PIEZO2: variants seen among roughly 807,000 people sequenced by gnomAD.
The protein encoded by PIEZO2 is piezo type mechanosensitive ion channel component 2, also known as piezo-type mechanosensitive ion channel component 2.
In PIEZO2, 172 loss-of-function variants were observed where a neutral mutation model predicts 337.3. The ratio of observed to expected loss-of-function variants is 0.51; its 90% confidence interval spans 0.45 to 0.58. The LOEUF is 0.58. Among genes scored for constraint, PIEZO2 ranks in the 20% least tolerant of loss-of-function variants. PIEZO2 has a pLI of 0.00. For missense variants in PIEZO2, 3,028 were observed against 3,391.3 expected (o/e 0.89, Z 2.66); for synonymous variants, 1,251 against 1,228.5 (o/e 1.02, Z -0.38).
rs973238390 is a variant in PIEZO2 at position 11,032,789 on chromosome 18, A to G, written c.160+33338T>C. ...ACATGTTTCCCAACAACTGCCCTTA[A>G]AAGCTTTTGAAGTCAGATCGATAAG... On this transcript the variant is annotated intron_variant, in intron 2 of 55. Coordinates refer to ENST00000674853, the MANE Select transcript of PIEZO2 (RefSeq NM_001378183.1). The surrounding 1 kb of genome is among the most constrained non-coding windows in gnomAD (Gnocchi z 4.9). Among the ~76,000 whole-genome samples, 1 of 152,236 alleles carries G rather than the reference A, an allele frequency of 6.6e-6. No individual in the cohort carries two copies. Among genetic ancestry groups the G allele is most frequent in the Non-Finnish European group, 1.5e-5 (1 of 68,038 alleles).
Position 10,895,420 on chromosome 18 carries a change from T to C in PIEZO2, c.329+15766A>G, listed in dbSNP as rs564996617. Among the ~76,000 whole-genome samples the C allele has an allele frequency of 1.3e-5, 2 of 152,144 alleles. No homozygotes were observed. Among genetic ancestry groups the C allele is most frequent in the African/African-American group, 4.8e-5 (2 of 41,490 alleles). On this transcript the variant is annotated intron_variant, in intron 4 of 55. Coordinates refer to ENST00000674853, the MANE Select transcript of PIEZO2 (RefSeq NM_001378183.1). The surrounding 1 kb of genome is among the most constrained non-coding windows in gnomAD (Gnocchi z 4.8). ...GAGATTGCACCACAGCACTCCAGCC[T>C]GGGCAACAGAGCAAGACTCCGTCTC...
At chr18:10,779,437 C>G (rs986785989) in intron 18 of PIEZO2, among the ~76,000 whole-genome samples, 1 of 152,318 alleles carries the variant, frequency 6.6e-6, no homozygotes, top group South Asian at 2.1e-4. Context: ...AAGGATAACT[C>G]TGGAGGATAA....
At chr18:10,852,515 T>C (rs1427123568) in intron 7 of PIEZO2, among the ~76,000 whole-genome samples, 1 of 152,244 alleles carries the variant, frequency 6.6e-6, no homozygotes, top group Admixed American at 6.5e-5. Flanking sequence ...CAGCCACAAC[T>C]AGTTTTACCA....
chr18:10,819,420 A>G lies in PIEZO2; in HGVS notation c.918-12146T>C, dbSNP rs923927884. Among the ~76,000 whole-genome samples the G allele has an allele frequency of 3.3e-5, 5 of 152,232 alleles. No homozygotes were observed. The highest frequency in any genetic ancestry group is 9.6e-5 in the African/African-American group (4 of 41,458). On this transcript the variant is annotated intron_variant, in intron 7 of 55. Transcript: ENST00000674853. This position sits in a 1 kb window ranked among gnomAD's most constrained non-coding sequence, Gnocchi z 4.3. ...GATTTTAGATTACAGTTATTAATCA[A>G]TGGAAAGAATAATGCTGAAGATATA... is the stretch of plus-strand genomic sequence containing the variant.
At position 10,693,356 on chromosome 18, in the gene PIEZO2, T is replaced by TTGTGTG. The variant is rs1174582024; in HGVS notation, c.7191-1979_7191-1974dup. On this transcript the variant is annotated intron_variant, in intron 47 of 55. Coordinates refer to ENST00000674853, the MANE Select transcript of PIEZO2 (RefSeq NM_001378183.1). ...TGCTTCTTGCTTTCCAATCTGGATT[T>TTGTGTG]TGTGTGTGTGTGTGTGTGTGTGTGT... is the stretch of plus-strand genomic sequence containing the variant. 8.2e-3 allele frequency among the ~76,000 whole-genome samples: 740 copies of TTGTGTG among 90,016 alleles called. 12 individuals are homozygous for TTGTGTG. Among genetic ancestry groups the TTGTGTG allele is most frequent in the African/African-American group, 0.017 (470 of 28,292 alleles). 59.1% of individuals were successfully genotyped at this position (90,016 alleles called of 152,430 possible).
At chr18:11,049,139 C>T (rs960673645) in intron 2 of PIEZO2, among the ~76,000 whole-genome samples, 1 of 152,186 alleles carries the variant, frequency 6.6e-6, no homozygotes, top group Non-Finnish European at 1.5e-5. Context: ...AAAGGAGGAG[C>T]TACGGTTTCC....
intron 1 of PIEZO2, among the ~76,000 whole-genome samples, chr18:11,106,187 C>T (rs552230497): frequency 6.6e-6 from 1 of 151,882 alleles, no homozygotes; most frequent in Non-Finnish European, 1.5e-5. Flanking sequence ...CCCGGGTTCA[C>T]GTCATTCTCC....
chr18:11,133,099 G>A (rs2040384527), intron 1 of PIEZO2, among the ~76,000 whole-genome samples: 1 of 152,286 alleles, frequency 6.6e-6, no homozygotes, highest in Non-Finnish European at 1.5e-5. Flanking sequence ...AATAAGGACT[G>A]TAACTGTTAT....
Position 10,746,332 on chromosome 18 carries a change from T to A in PIEZO2, c.4425-2101A>T, listed in dbSNP as rs1296994700. Among the ~76,000 whole-genome samples, 3 of 152,172 alleles carry A rather than the reference T, an allele frequency of 2.0e-5. No homozygotes were observed. The highest frequency in any genetic ancestry group is 4.4e-5 in the Non-Finnish European group (3 of 68,026). ...TGGCCTGGAGCTTATCACTCACCAC[T>A]CACTGTCCTCATCTTCCAATCTCAG... On this transcript the variant is annotated intron_variant, in intron 30 of 55. Coordinates refer to ENST00000674853, the MANE Select transcript of PIEZO2 (RefSeq NM_001378183.1). This position sits in a 1 kb window ranked among gnomAD's most constrained non-coding sequence, Gnocchi z 4.2.
rs74718543 is a variant in PIEZO2, at chr18:10,877,571, G to A, written c.330-6156C>T. 0.06 allele frequency among the ~76,000 whole-genome samples: 9,054 copies of A among 152,068 alleles called. 303 individuals carry two copies. The highest frequency in any genetic ancestry group is 0.093 in the African/African-American group (3,857 of 41,460). ...CAACCTAGTGACCAAAACAGAACCT[G>A]GAAGCTTCCATTCTCTCACTGAAAG... On this transcript the variant is annotated intron_variant, in intron 4 of 55. Transcript: ENST00000674853. This position sits in a 1 kb window ranked among gnomAD's most constrained non-coding sequence, Gnocchi z 5.3.
chr18:10,756,410 AGAG>A (rs768105287), intron 27 of PIEZO2, among the ~76,000 whole-genome samples: 3 of 138,764 alleles, frequency 2.2e-5, no homozygotes, highest in Non-Finnish European at 4.7e-5. Context: ...GACGGATGGA[AGAG>A]GAGAAGGATG....
chr18:10,805,681 C>G (rs1236644154), intron 8 of PIEZO2, among the ~76,000 whole-genome samples: 2 of 152,168 alleles, frequency 1.3e-5, no homozygotes, highest in Non-Finnish European at 2.9e-5. Flanking sequence ...CACAACATGA[C>G]TGGGATTCCT....
intron 20 of PIEZO2, 111 bp from the exon 21 acceptor site, chr18:10,770,419 G>A: frequency 8.7e-7 from 1 of 1,149,228 alleles, no homozygotes; most frequent in Non-Finnish European, 1.2e-6. Context: ...TAATTACAGT[G>A]GATGAATTCT....
chr18:11,078,043 CA>C lies in PIEZO2; in HGVS notation c.65-11822del, dbSNP rs2038606093. Reference sequence around the variant, plus strand: ...ATGTGCGTGCACACACACCCACACACACCCACACACACACACACACACACCA... The same window carrying C: ...ATGTGCGTGCACACACACCCACACACCCCACACACACACACACACACACCA... On this transcript the variant is annotated intron_variant, in intron 1 of 55. Transcript: ENST00000674853. The surrounding 1 kb of genome is among the most constrained non-coding windows in gnomAD (Gnocchi z 5.3). Among the ~76,000 whole-genome samples, 1 of 98,496 alleles carries C rather than the reference CA, an allele frequency of 1.0e-5. No individual in the cohort carries two copies. The highest frequency in any genetic ancestry group is 2.0e-5 in the Non-Finnish European group (1 of 49,838). The allele number at this position is 98,496 out of a possible 152,430, so 64.6% of individuals were successfully genotyped here.
rs566357045 is a variant in PIEZO2 at position 11,095,571 on chromosome 18, T to C, written c.65-29349A>G. Among the ~76,000 whole-genome samples the C allele has an allele frequency of 2.6e-5, 4 of 152,340 alleles. No individual in the cohort carries two copies. The East Asian group carries it at 7.7e-4, about 29-fold the overall frequency. On this transcript the variant is annotated intron_variant, in intron 1 of 55. Transcript: ENST00000674853. ...ATGCAACATGTTGGCCAAAGATATT[T>C]CTTAAGAGTGCATAAAACATAACAA...
chr18:11,086,083 T>C (rs1248474219), intron 1 of PIEZO2, among the ~76,000 whole-genome samples: 1 of 152,194 alleles, frequency 6.6e-6, no homozygotes, highest in Non-Finnish European at 1.5e-5. Flanking sequence ...AAATTATATT[T>C]ATAATGGCAT....
chr18:11,115,208 T>G (rs983971360), intron 1 of PIEZO2, among the ~76,000 whole-genome samples: 4 of 152,240 alleles, frequency 2.6e-5, no homozygotes, highest in African/African-American at 9.6e-5. Flanking sequence ...AATACTCCTA[T>G]ATTAAGTGTT....
In PIEZO2 at chr18:10,672,384, G is replaced by C. The variant is rs528359859; in HGVS notation, c.8345+306C>G. On this transcript the variant is annotated intron_variant, in intron 55 of 55. Transcript: ENST00000674853. This position sits in a 1 kb window ranked among gnomAD's most constrained non-coding sequence, Gnocchi z 4.7. ...TAAGGATTAGAAGGAAATCTAAGCA[G>C]AAAAGTGATATTTCTGTGCTAATTT... Among the ~76,000 whole-genome samples, 1 of 152,272 alleles carries C rather than the reference G, an allele frequency of 6.6e-6. No homozygotes were observed. The highest frequency in any genetic ancestry group is 1.9e-4 in the East Asian group (1 of 5,182).
chr18:10,789,436 G>T, intron 14 of PIEZO2, 71 bp from the exon 15 acceptor site: 1 of 1,445,864 alleles, frequency 6.9e-7, no homozygotes, highest in Non-Finnish European at 9.1e-7. Flanking sequence ...CCATGTGATA[G>T]GTATAGGATG....
Sources: allele counts gnomAD v4.1 joint callset (sites outside exome capture counted in the v4.1 genomes callset), GRCh38; gene constraint gnomAD v4.1.1; non-coding constraint Gnocchi (gnomAD v3.1); transcripts MANE v1.5; gene names NCBI Gene and HGNC (gene_info 2026-07-23, HGNC 2026-07-21).